The following WTAP variants were observed in gnomAD, a reference collection of about 807,000 sequenced individuals.
The protein encoded by WTAP is WT1 associated protein, also known as pre-mRNA-splicing regulator WTAP.
In WTAP, 8 loss-of-function variants were observed where a neutral mutation model predicts 50.0. The ratio of observed to expected loss-of-function variants is 0.16; its 90% CI spans 0.09 to 0.29. The LOEUF (loss-of-function observed/expected upper bound fraction) is 0.29, where lower values mean the gene tolerates loss of function less well. Among genes scored for constraint, WTAP ranks in the 10% least tolerant of loss-of-function variants. WTAP has a pLI of 1.00. For synonymous variants in WTAP, 194 were observed against 169.0 expected (o/e 1.15, Z -1.15); for missense variants, 295 against 470.7 (o/e 0.63, Z 3.45).
chr6:159,740,893 G>A (rs141909978), intron 3 of WTAP, among the ~76,000 whole-genome samples: 3 of 151,980 alleles, frequency 2.0e-5, no homozygotes, highest in African/African-American at 4.8e-5. Context: ...CAGTAGAGAC[G>A]GGATTTCACT....
chr6:159,743,415 T>C (rs1008013985), intron 4 of WTAP, among the ~76,000 whole-genome samples: 2 of 152,228 alleles, frequency 1.3e-5, no homozygotes, highest in African/African-American at 4.8e-5. Context: ...AACACAGATG[T>C]TTTCTGTCTT....
intron 6 of WTAP, among the ~76,000 whole-genome samples, chr6:159,750,691 T>C (rs1213603961): frequency 6.6e-6 from 1 of 152,256 alleles, no homozygotes; most frequent in African/African-American, 2.4e-5. Context: ...ACATTTTTAA[T>C]GCTTACATAG....
chr6:159,733,512 C>T (rs1778716979), intron 1 of WTAP, among the ~76,000 whole-genome samples: 2 of 151,960 alleles, frequency 1.3e-5, no homozygotes, highest in African/African-American at 4.8e-5. Context: ...GTCCCAGGTA[C>T]TCGGGAGGCT....
upstream of WTAP, chr6:159,727,340 G>A: frequency 7.9e-7 from 1 of 1,270,686 alleles, no homozygotes; most frequent in Non-Finnish European, 1.0e-6. Flanking sequence ...TCCTGTGAGT[G>A]GGCCAGAAGG....
At chr6:159,728,443 A>G (rs1026011119) in intron 1 of WTAP, among the ~76,000 whole-genome samples, 3 of 152,180 alleles carry the variant, frequency 2.0e-5, no homozygotes, top group African/African-American at 7.2e-5. Flanking sequence ...AAAAACTATT[A>G]TTTAGTCTGG....
At chr6:159,732,850 TTCTCTC>T (rs146820451) in intron 1 of WTAP, among the ~76,000 whole-genome samples, 5,216 of 147,704 alleles carry the variant, frequency 0.035, 331 homozygotes, top group African/African-American at 0.12. Context: ...GTCTGCTTCT[TTCTCTC>T]TCTCTCTCTC....
chr6:159,732,885 T>TTG (rs1562452331), intron 1 of WTAP, among the ~76,000 whole-genome samples: 1 of 56,914 alleles, frequency 1.8e-5, no homozygotes, highest in Admixed American at 2.2e-4. Flanking sequence ...TATATATATA[T>TTG]AGTGTGTGTG....
intron 1 of WTAP, among the ~76,000 whole-genome samples, chr6:159,729,362 TGTA>T (rs1243448708): frequency 6.6e-6 from 1 of 152,246 alleles, no homozygotes; most frequent in Non-Finnish European, 1.5e-5. Context: ...TTTTGCTTCT[TGTA>T]GTTACTAAGC....
At chr6:159,739,999 T>G (rs1779153548) in intron 3 of WTAP, among the ~76,000 whole-genome samples, 1 of 152,106 alleles carries the variant, frequency 6.6e-6, no homozygotes, top group African/African-American at 2.4e-5. Flanking sequence ...ATGCTGGGTT[T>G]TTTTTTGTTT....
intron 1 of WTAP, among the ~76,000 whole-genome samples, chr6:159,728,753 GC>G (rs1562448850): frequency 6.6e-6 from 1 of 152,246 alleles, no homozygotes; most frequent in Non-Finnish European, 1.5e-5. Context: ...AGTCCGCAAA[GC>G]TGGCTTGTGA....
At chr6:159,730,170 A>G (rs538302282) in intron 1 of WTAP, among the ~76,000 whole-genome samples, 5 of 152,348 alleles carry the variant, frequency 3.3e-5, no homozygotes, top group African/African-American at 1.2e-4. Context: ...CTAATAGCTG[A>G]TCACCTAATG....
Position 159,748,442 on chromosome 6 carries a change from A to C in WTAP, c.452+73A>C. ...ACGAGAAAGCTGTGGTGGGACAGCC[A>C]AGTACTCGTTTCCACACCAAGACTC... On this transcript the variant is annotated intron_variant, in intron 6 of 7. Transcript: ENST00000621533. This position sits in a 1 kb window ranked among gnomAD's most constrained non-coding sequence, Gnocchi z 5.6. 1 of 1,575,642 alleles carries C rather than the reference A, an allele frequency of 6.3e-7. No homozygotes were observed. Among genetic ancestry groups the C allele is most frequent in the Non-Finnish European group, 8.6e-7 (1 of 1,159,702 alleles).
Position 159,755,777 on chromosome 6 carries a change from T to TG in WTAP, c.*166_*167insG. Reference sequence around the variant, plus strand: ...TTTTTTTTCTTTTCTTTTTTTTTTTTTTTTTTTTTTTTTGCTTCAATACTT... The same window carrying TG: ...TTTTTTTTCTTTTCTTTTTTTTTTTTGTTTTTTTTTTTTTGCTTCAATACTT... On this transcript the variant is annotated 3_prime_UTR_variant, in exon 8 of 8. Coordinates refer to ENST00000621533, the MANE Select transcript of WTAP (RefSeq NM_001270531.2). 9.6e-7 allele frequency: 1 copy of TG among 1,039,722 alleles called. No individual in the cohort carries two copies. The highest frequency in any genetic ancestry group is 3.6e-4 in the Middle Eastern group (1 of 2,782). 64.4% of individuals were successfully genotyped at this position (1,039,722 alleles called of 1,614,324 possible).
At chr6:159,732,886 AGTGTGTGTGTG>A (rs1778671860) in intron 1 of WTAP, among the ~76,000 whole-genome samples, 1 of 146,380 alleles carries the variant, frequency 6.8e-6, no homozygotes, top group African/African-American at 2.6e-5. Flanking sequence ...ATATATATAT[AGTGTGTGTGTG>A]TGTGTGTGTG....
upstream of WTAP, chr6:159,726,766 A>G (rs1778187974): frequency 1.6e-6 from 2 of 1,288,622 alleles, no homozygotes; most frequent in Non-Finnish European, 2.0e-6. Context: ...CAGAGATGTC[A>G]AGGAGGAACG....
intron 1 of WTAP, among the ~76,000 whole-genome samples, chr6:159,730,247 T>C (rs1047067720): frequency 5.9e-5 from 9 of 152,202 alleles, no homozygotes; most frequent in African/African-American, 2.2e-4. Flanking sequence ...TGTTATTAAA[T>C]GTGTGATTCA....
chr6:159,743,331 G>A (rs903659273), intron 4 of WTAP, among the ~76,000 whole-genome samples: 3 of 152,238 alleles, frequency 2.0e-5, no homozygotes, highest in Non-Finnish European at 4.4e-5. Context: ...ACAGGCGTGA[G>A]CCTCTGTGCC....
rs751047760 is a variant in WTAP at position 159,736,313 on chromosome 6, G to A, written c.30+18G>A. On this transcript the variant is annotated intron_variant, in intron 2 of 7. Transcript: ENST00000621533. ...CCAAGAAGGTATGGGTTTTGGTTTT[G>A]GGTTTTTTTGTTTTGTTTTGGGTTT... The A allele has an allele frequency of 1.9e-6, 3 of 1,594,376 alleles. No homozygotes were observed. Among genetic ancestry groups the A allele is most frequent in the Non-Finnish European group, 8.6e-7 (1 of 1,169,418 alleles).
intron 3 of WTAP, 145 bp downstream of exon 3, chr6:159,739,190 C>T: frequency 1.7e-6 from 1 of 603,938 alleles, no homozygotes; most frequent in Non-Finnish European, 2.7e-6. Context: ...CATACTATGA[C>T]CTATTTCTTA....
Sources: gnomAD v4.1 joint callset for allele counts (sites outside exome capture counted in the v4.1 genomes callset) on GRCh38, gnomAD v4.1.1 for gene constraint, Gnocchi (gnomAD v3.1) non-coding constraint, MANE v1.5 for transcripts, NCBI Gene and HGNC (gene_info 2026-07-23, HGNC 2026-07-21) for gene names.